The following RNF24 variants were observed in gnomAD, a reference collection of about 807,000 sequenced individuals.
RNF24 encodes ring finger protein 24.
In RNF24, 14 loss-of-function variants were observed where a neutral mutation model predicts 20.0. The ratio of observed to expected loss-of-function variants is 0.70; its 90% CI spans 0.46 to 1.10. The LOEUF is 1.10. Ranked by LOEUF, RNF24 falls within the 50% of genes least tolerant of loss-of-function variation. RNF24 has a pLI of 0.00. For missense variants in RNF24, 124 were observed against 177.6 expected (o/e 0.70, Z 1.71); for synonymous variants, 45 against 61.1 (o/e 0.74, Z 1.23).
chr20:3,988,273 G>A (rs941917151), intron 1 of RNF24, among the ~76,000 whole-genome samples: 8 of 152,052 alleles, frequency 5.3e-5, no homozygotes, highest in Admixed American at 6.5e-5. Context: ...GCAGTGAGCC[G>A]TGATCATGCC....
intron 1 of RNF24, among the ~76,000 whole-genome samples, chr20:3,986,244 T>C (rs1329935562): frequency 2.0e-5 from 3 of 152,028 alleles, no homozygotes; most frequent in East Asian, 3.9e-4. Context: ...TTCCTTCCTT[T>C]TCCTCCTTGC....
chr20:4,013,405 T>A (rs367752765), intron 1 of RNF24, among the ~76,000 whole-genome samples: 6 of 152,198 alleles, frequency 3.9e-5, no homozygotes, highest in Non-Finnish European at 7.4e-5. Context: ...ACAGAACCCA[T>A]ACAATTATTC....
chr20:3,967,973 C>CAAAAAAAAAAAAAAAAAAA (rs58984163), intron 1 of RNF24, among the ~76,000 whole-genome samples: 9 of 77,176 alleles, frequency 1.2e-4, no homozygotes, highest in East Asian at 6.8e-4. Context: ...AGCCTGGCAA[C>CAAAAAAAAAAAAAAAAAAA]AAAAAAAAAA....
intron 1 of RNF24, among the ~76,000 whole-genome samples, chr20:4,008,370 T>A (rs558472333): frequency 1.7e-4 from 6 of 35,350 alleles, no homozygotes; most frequent in African/African-American, 7.8e-4. Flanking sequence ...AATATATATA[T>A]TATATATATA....
chr20:4,010,955 G>A (rs144782544), intron 1 of RNF24, among the ~76,000 whole-genome samples: 32 of 152,302 alleles, frequency 2.1e-4, no homozygotes, highest in African/African-American at 6.7e-4. Context: ...CTGCTTGATG[G>A]AGGCACAAAG....
Position 3,948,240 on chromosome 20 carries a change from T to A in RNF24, c.183A>T (p.Lys61Asn). Reference sequence around the variant, plus strand: ...CAATCTGAATTAAATTTCTCACCTGTTTGTAGGCATAAAATTCTTTGTGTG... The same window carrying A: ...CAATCTGAATTAAATTTCTCACCTGATTGTAGGCATAAAATTCTTTGTGTG... Reference protein sequence around the residue: ...HQAHKEFYAYKQVILKEKVKE... With the variant: ...HQAHKEFYAYNQVILKEKVKE... The change falls in exon 3 of 6, where the codon AAA becomes AAT. Residue 61 changes from lysine to asparagine, a missense_variant. Coordinates refer to ENST00000358395, the MANE Select transcript of RNF24 (RefSeq NM_001134337.3). 1 of 1,588,620 alleles carries A rather than the reference T, an allele frequency of 6.3e-7. No homozygotes were observed. The highest frequency in any genetic ancestry group is 8.5e-7 in the Non-Finnish European group (1 of 1,171,490).
chr20:3,953,194 C>T (rs1351942601), intron 2 of RNF24, among the ~76,000 whole-genome samples: 1 of 152,142 alleles, frequency 6.6e-6, no homozygotes, highest in East Asian at 1.9e-4. Context: ...ACTCTGTCAC[C>T]CAGCGTGGAG....
At chr20:3,941,585 GAA>G (rs1395727622) in intron 4 of RNF24, among the ~76,000 whole-genome samples, 4 of 151,482 alleles carry the variant, frequency 2.6e-5, no homozygotes, top group Non-Finnish European at 4.4e-5. Flanking sequence ...AATAGAGAAT[GAA>G]AAAGAGAGAG....
rs1217003149 is a variant in RNF24, at chr20:3,928,739, C to T, written c.*5324G>A. On this transcript the variant is annotated 3_prime_UTR_variant, in exon 6 of 6. Transcript: ENST00000358395. ...TTCCAGCCTGGGTGACAGAGCGAGA[C>T]TCCGTCTCAAAAAAAAAAAAAAAAA... The T allele has an allele frequency of 1.1e-5, 1 of 94,938 alleles. No homozygotes were observed. Among genetic ancestry groups the T allele is most frequent in the African/African-American group, 4.1e-5 (1 of 24,648 alleles). The allele number at this position is 94,938 out of a possible 1,614,324, so 5.9% of individuals were successfully genotyped here.
intron 3 of RNF24, among the ~76,000 whole-genome samples, 192 bp downstream of exon 3, chr20:3,948,045 T>C (rs538624802): frequency 6.9e-6 from 1 of 144,526 alleles, no homozygotes; most frequent in African/African-American, 2.6e-5. Context: ...AAACTCCGTC[T>C]CAAAAAAAAA....
intron 1 of RNF24, among the ~76,000 whole-genome samples, chr20:3,973,910 T>TA (rs1978621303): frequency 6.6e-6 from 1 of 152,102 alleles, no homozygotes. Flanking sequence ...GCGACCTTGA[T>TA]AGCAAAACCA....
At position 3,932,975 on chromosome 20, in the gene RNF24, A is replaced by C. The variant is rs2090842415; in HGVS notation, c.*1088T>G. 2.5e-6 allele frequency: 1 copy of C among 398,242 alleles called. No individual in the cohort carries two copies. The highest frequency in any genetic ancestry group is 1.3e-4 in the South Asian group (1 of 7,852). 24.7% of individuals were successfully genotyped at this position (398,242 alleles called of 1,614,324 possible). A position where few individuals can be genotyped will look rare whatever the true frequency, so the allele number is the denominator to read the frequency against. Reference sequence around the variant, plus strand: ...TGGACAGCCCTGCAGGAGCTTCCTGAAACTATCTACAATTCCAAGTGGATC... The same window carrying C: ...TGGACAGCCCTGCAGGAGCTTCCTGCAACTATCTACAATTCCAAGTGGATC... On this transcript the variant is annotated 3_prime_UTR_variant, in exon 6 of 6. Transcript: ENST00000358395.
rs1392839669 is a variant in RNF24, at chr20:3,934,296, G to A, written c.309-95C>T. 1.4e-5 allele frequency: 18 copies of A among 1,324,234 alleles called. No homozygotes were observed. Among genetic ancestry groups the A allele is most frequent in the African/African-American group, 4.5e-5 (3 of 66,526 alleles). The allele number at this position is 1,324,234 out of a possible 1,614,324, so 82.0% of individuals were successfully genotyped here. ...TCTCCATATCTGTCACCCAGACAACGTCTGCTGTATGGTCCAAGGAGCTCC... is the reference window on the plus strand; with the variant it reads ...TCTCCATATCTGTCACCCAGACAACATCTGCTGTATGGTCCAAGGAGCTCC... On this transcript the variant is annotated intron_variant, in intron 5 of 5. Coordinates refer to ENST00000358395, the MANE Select transcript of RNF24 (RefSeq NM_001134337.3). The surrounding 1 kb of genome is among the most constrained non-coding windows in gnomAD (Gnocchi z 4.0).
chr20:3,991,090 G>T (rs1459487908), intron 1 of RNF24, among the ~76,000 whole-genome samples: 4 of 151,906 alleles, frequency 2.6e-5, no homozygotes, highest in Non-Finnish European at 5.9e-5. Flanking sequence ...CCTCTGACAG[G>T]GCTGGAAGGA....
At position 3,934,570 on chromosome 20, in the gene RNF24, A is replaced by T. The variant is rs978426936; in HGVS notation, c.309-369T>A. Among the ~76,000 whole-genome samples the T allele has an allele frequency of 6.6e-6, 1 of 152,250 alleles. No homozygotes were observed. The highest frequency in any genetic ancestry group is 1.5e-5 in the Non-Finnish European group (1 of 68,036). On this transcript the variant is annotated intron_variant, in intron 5 of 5. Coordinates refer to ENST00000358395, the MANE Select transcript of RNF24 (RefSeq NM_001134337.3). This position sits in a 1 kb window ranked among gnomAD's most constrained non-coding sequence, Gnocchi z 4.0. ...TAACAGAAATACAAAACAAAAAATT[A>T]TAAGAGGAAGAATATTAATATGTCT...
intron 1 of RNF24, among the ~76,000 whole-genome samples, chr20:3,969,725 A>G (rs2091294545): frequency 6.6e-6 from 1 of 151,510 alleles, no homozygotes; most frequent in African/African-American, 2.4e-5. Flanking sequence ...CCCCCCAGCC[A>G]TCTTGCTGGG....
chr20:3,948,278 G>A lies in RNF24; in HGVS notation c.145C>T (p.Leu49=). The A allele has an allele frequency of 6.3e-7, 1 of 1,577,126 alleles. No individual in the cohort carries two copies. The highest frequency in any genetic ancestry group is 1.9e-5 in the Admixed American group (1 of 52,276). ...SLLFCCYLIR[L]RHQAHKEFYA... is the part of the protein sequence containing the mutation. ...AATTCTTTGTGTGCTTGATGTCTTA[G>A]CCTAAAAGACAGAAATTAGTAATGC... Residue 49 remains leucine (L), a splice_region_variant and synonymous_variant, in exon 3 of 6, where the codon CTA becomes TTA. Coordinates refer to ENST00000358395, the MANE Select transcript of RNF24 (RefSeq NM_001134337.3).
intron 2 of RNF24, among the ~76,000 whole-genome samples, chr20:3,961,429 T>C (rs1443968101): frequency 2.0e-5 from 3 of 151,400 alleles, no homozygotes; most frequent in East Asian, 1.9e-4. Flanking sequence ...AAGGATAAAA[T>C]TAAGTACATA....
chr20:3,949,196 A>G (rs2091053839), intron 2 of RNF24, among the ~76,000 whole-genome samples: 1 of 152,210 alleles, frequency 6.6e-6, no homozygotes, highest in Non-Finnish European at 1.5e-5. Context: ...CCTGGTCAAC[A>G]GGGAGAAACC....
Sources: gnomAD v4.1 joint callset for allele counts (sites outside exome capture counted in the v4.1 genomes callset) on GRCh38, gnomAD v4.1.1 for gene constraint, Gnocchi (gnomAD v3.1) non-coding constraint, MANE v1.5 for transcripts, NCBI Gene and HGNC (gene_info 2026-07-23, HGNC 2026-07-21) for gene names.